The following DHX38 variants were observed in gnomAD, a reference collection of about 807,000 sequenced individuals.
DHX38 encodes pre-mRNA-splicing factor ATP-dependent RNA helicase PRP16.
DHX38 carries 100 observed loss-of-function variants against 153.1 expected under a neutral mutation model. The observed-to-expected ratio is 0.65, with a 90% CI of 0.56 to 0.77. The LOEUF (loss-of-function observed/expected upper bound fraction) is 0.77, where lower values mean the gene tolerates loss of function less well. DHX38 is among the 30% of genes least tolerant of loss of function. The pLI is 0.00. For missense variants in DHX38, 1,440 were observed against 1,654.0 expected (o/e 0.87, Z 2.24); for synonymous variants, 650 against 631.7 (o/e 1.03, Z -0.43).
At chr16:72,102,332 T>C (rs9932236) in intron 11 of DHX38, among the ~76,000 whole-genome samples, 5,945 of 152,106 alleles carry the variant, frequency 0.039, 364 homozygotes, top group African/African-American at 0.14. Flanking sequence ...CAGGAGGGAC[T>C]GGGTGAAATT....
At position 72,096,874 on chromosome 16, in the gene DHX38, G is replaced by A. The variant is rs1319262864; in HGVS notation, c.376G>A (p.Glu126Lys). The A allele has an allele frequency of 6.8e-6, 11 of 1,614,016 alleles. No individual in the cohort carries two copies. The highest frequency in any genetic ancestry group is 3.3e-5 in the South Asian group (3 of 91,070). The change falls in exon 3 of 27, where the codon GAA becomes AAA. Residue 126 changes from glutamate to lysine, a missense_variant. By Grantham distance (56) the Glu-to-Lys change is moderately conservative. Transcript: ENST00000268482. ...ETPSHPGGVS[E>K]EFWERSRQRE... The stretch of plus-strand genomic sequence containing the variant: ...TCCATCCCATCCGGGTGGTGTGAGC[G>A]AAGAGTTTTGGGAACGCAGTCGGCA...
intron 4 of DHX38, 129 bp from the exon 5 acceptor site, chr16:72,098,516 T>G: frequency 1.7e-6 from 2 of 1,192,506 alleles, no homozygotes; most frequent in African/African-American, 1.5e-5. Flanking sequence ...ATCTTAACCG[T>G]TATAGATACA....
intron 12 of DHX38, 56 bp downstream of exon 12, chr16:72,103,267 C>T: frequency 1.9e-6 from 3 of 1,574,046 alleles, no homozygotes; most frequent in Non-Finnish European, 2.6e-6. Flanking sequence ...CCCTTGGTCT[C>T]CCATGTTTAC....
intron 17 of DHX38, 53 bp downstream of exon 17, chr16:72,105,401 G>A (rs2042161043): frequency 1.9e-6 from 3 of 1,602,742 alleles, no homozygotes; most frequent in Middle Eastern, 1.7e-4. Flanking sequence ...TAAAGGAAGC[G>A]AGAGGGGATG....
rs1305214502 is a variant in DHX38, at chr16:72,098,801, C to T, written c.764+9C>T. The T allele has an allele frequency of 6.2e-7, 1 of 1,613,568 alleles. No individual in the cohort carries two copies. The highest frequency in any genetic ancestry group is 8.5e-7 in the Non-Finnish European group (1 of 1,179,650). ...ACTCGAGATCGAGACAGGTGATGTT[C>T]TGGGCAGAGCAGCCCAGTTTCGCTG... On this transcript the variant is annotated intron_variant, in intron 5 of 26. Coordinates refer to ENST00000268482, the MANE Select transcript of DHX38 (RefSeq NM_014003.4).
chr16:72,108,221 TC>T lies in DHX38; in HGVS notation c.2965-4del, dbSNP rs2042208202. 2.5e-6 allele frequency: 4 copies of T among 1,613,930 alleles called. No homozygotes were observed. The highest frequency in any genetic ancestry group is 3.4e-6 in the Non-Finnish European group (4 of 1,179,986). On this transcript the variant is annotated splice_polypyrimidine_tract_variant and splice_region_variant and intron_variant, in intron 21 of 26. Coordinates refer to ENST00000268482, the MANE Select transcript of DHX38 (RefSeq NM_014003.4). ...CTTAGAGTGAAGGTTCTTTTTCCCT[TC>T]CTAGGGTCGAGAGGAGGAGAGTGAT... is the stretch of plus-strand genomic sequence containing the variant.
Position 72,097,824 on chromosome 16 carries a change from A to G in DHX38, c.616+43A>G, listed in dbSNP as rs781729705. 1.9e-6 allele frequency: 3 copies of G among 1,544,852 alleles called. No homozygotes were observed. In the Admixed American group the frequency reaches 5.4e-5, roughly 28 times the overall value. On this transcript the variant is annotated intron_variant, in intron 4 of 26. Transcript: ENST00000268482. ...GTGGCTTGTGAGGATTCAAGTGTAT[A>G]AAAGGCAGAGTGAGTGACTCTCGTC... is the stretch of plus-strand genomic sequence containing the variant.
rs746110198 is a variant in DHX38 at position 72,096,876 on chromosome 16, A to G, written c.378A>G (p.Glu126=). 2 of 1,613,896 alleles carry G rather than the reference A, an allele frequency of 1.2e-6. No individual in the cohort carries two copies. Among genetic ancestry groups the G allele is most frequent in the Non-Finnish European group, 1.7e-6 (2 of 1,179,954 alleles). The change falls in exon 3 of 27, where the codon GAA becomes GAG. Residue 126 remains glutamate (E), a synonymous_variant. Transcript: ENST00000268482. ...ETPSHPGGVS[E]EFWERSRQRE... is the part of the protein sequence containing the mutation. ...CATCCCATCCGGGTGGTGTGAGCGA[A>G]GAGTTTTGGGAACGCAGTCGGCAGA...
At chr16:72,094,512 C>G (rs1325988946) in intron 1 of DHX38, 1 of 152,272 alleles carries the variant, frequency 6.6e-6, no homozygotes, top group Non-Finnish European at 1.5e-5. Flanking sequence ...GCAATTGGCT[C>G]AGGGACACCC....
chr16:72,107,835 C>T lies in DHX38; in HGVS notation c.2964+36C>T. 1 of 1,603,762 alleles carries T rather than the reference C, an allele frequency of 6.2e-7. No individual in the cohort carries two copies. The highest frequency in any genetic ancestry group is 8.5e-7 in the Non-Finnish European group (1 of 1,175,730). On this transcript the variant is annotated intron_variant, in intron 21 of 26. Coordinates refer to ENST00000268482, the MANE Select transcript of DHX38 (RefSeq NM_014003.4). This position sits in a 1 kb window ranked among gnomAD's most constrained non-coding sequence, Gnocchi z 5.3. The stretch of plus-strand genomic sequence containing the variant: ...GGCTGGCTCCCCTCTCCCCGGAGGG[C>T]TCGAGGAAGTGTTGGGGAGGGGAAT...
chr16:72,095,518 GGAGGA>G (rs2042000335), intron 1 of DHX38, among the ~76,000 whole-genome samples: 1 of 152,146 alleles, frequency 6.6e-6, no homozygotes. Flanking sequence ...ACAGTATATA[GGAGGA>G]TAGCAAATAA....
intron 25 of DHX38, 94 bp from the exon 26 acceptor site, chr16:72,110,862 A>T: frequency 1.4e-6 from 2 of 1,470,480 alleles, no homozygotes; most frequent in Non-Finnish European, 1.8e-6. Context: ...TGGTGGATGC[A>T]GCACCTGGTT....
intron 4 of DHX38, 127 bp from the exon 5 acceptor site, chr16:72,098,518 A>G (rs2042052198): frequency 3.3e-6 from 4 of 1,196,522 alleles, no homozygotes; most frequent in Non-Finnish European, 4.6e-6. Context: ...CTTAACCGTT[A>G]TAGATACATG....
chr16:72,097,995 G>A (rs1007990834), intron 4 of DHX38, among the ~76,000 whole-genome samples: 6 of 152,192 alleles, frequency 3.9e-5, no homozygotes, highest in Non-Finnish European at 7.3e-5. Flanking sequence ...TTGCTGAATG[G>A]CCAGTTTTCC....
chr16:72,110,898 AG>A, intron 25 of DHX38, 57 bp from the exon 26 acceptor site: 1 of 1,522,086 alleles, frequency 6.6e-7, no homozygotes, highest in Non-Finnish European at 8.9e-7. Context: ...GGTGCCGACG[AG>A]GCCTCCTTCC....
chr16:72,103,080 G>C lies in DHX38; in HGVS notation c.1506G>C (p.Glu502Asp). The C allele has an allele frequency of 6.2e-7, 1 of 1,614,220 alleles. No individual in the cohort carries two copies. Among genetic ancestry groups the C allele is most frequent in the Non-Finnish European group, 8.5e-7 (1 of 1,180,032 alleles). Residue 502 changes from glutamate (E) to aspartate (D), a missense_variant, in exon 12 of 27, where the codon GAG (glutamate) becomes GAC (aspartate). Glu to Asp is a conservative substitution (Grantham distance 45, BLOSUM62 2). Transcript: ENST00000268482. The stretch of plus-strand genomic sequence containing the variant: ...GGCTGCTGTGTGTTCCTAGGACAGA[G>C]CAGAAGTTTGCAGATCACATGAAGA... ...TEDGKVDYRT[E>D]QKFADHMKRK...
In DHX38 at chr16:72,107,463, G is replaced by A. The variant is rs28557204; in HGVS notation, c.2724G>A (p.Gln908=). ...LKSLGVQDLL[Q]FHFMDPPPED... The stretch of plus-strand genomic sequence containing the variant: ...CCCTCGGGGTGCAGGACCTGCTGCA[G>A]TTCCACTTCATGGACCCGCCCCCGG... Residue 908 remains glutamine, a synonymous_variant, in exon 20 of 27, where the codon CAG becomes CAA. Coordinates refer to ENST00000268482, the MANE Select transcript of DHX38 (RefSeq NM_014003.4). The surrounding 1 kb of genome is among the most constrained non-coding windows in gnomAD (Gnocchi z 5.3). 12,395 of 1,614,174 alleles carry A rather than the reference G, an allele frequency of 7.7e-3. 829 individuals are homozygous for A. In the African/African-American group the frequency reaches 0.15, roughly 19 times the overall value.
chr16:72,108,585 T>A lies in DHX38; in HGVS notation c.3233T>A (p.Phe1078Tyr), dbSNP rs2042215640. The A allele has an allele frequency of 6.2e-7, 1 of 1,613,920 alleles. No individual in the cohort carries two copies. Among genetic ancestry groups the A allele is most frequent in the South Asian group, 1.1e-5 (1 of 91,070 alleles). ...AGGAAGTGCATCTGTGCTGCCTATT[T>A]CCACCAAGCAGCCAAGCTCAAGGTG... ...IVRKCICAAY[F>Y]HQAAKLKGIG... The change falls in exon 23 of 27, where the codon TTC becomes TAC. Residue 1078 changes from phenylalanine (F) to tyrosine (Y), a missense_variant. By Grantham distance (22) the Phe-to-Tyr change is conservative. Coordinates refer to ENST00000268482, the MANE Select transcript of DHX38 (RefSeq NM_014003.4).
intron 23 of DHX38, 73 bp downstream of exon 23, chr16:72,108,680 G>T (rs1477798887): frequency 2.5e-6 from 4 of 1,590,390 alleles, no homozygotes; most frequent in Non-Finnish European, 3.4e-6. Flanking sequence ...CTTTGTCCTG[G>T]TGTGGTTCTG....
Sources: allele counts gnomAD v4.1 joint callset (sites outside exome capture counted in the v4.1 genomes callset), GRCh38; gene constraint gnomAD v4.1.1; non-coding constraint Gnocchi (gnomAD v3.1); transcripts MANE v1.5; gene names NCBI Gene and HGNC (gene_info 2026-07-23, HGNC 2026-07-21).